SEMA3D: variants seen among roughly 807,000 people sequenced by gnomAD.
The protein encoded by SEMA3D is semaphorin-3D.
Under a neutral mutation model 100.1 loss-of-function variants are expected in SEMA3D, and 84 were observed. That is an observed-to-expected ratio of 0.84 (90% CI 0.70 to 1.01). SEMA3D has a LOEUF of 1.01. SEMA3D is among the 50% of genes least tolerant of loss of function. The probability of loss-of-function intolerance (pLI) is 0.00; values close to 1 mark genes in which losing one functional copy is unlikely to be tolerated. For missense variants in SEMA3D, 875 were observed against 934.1 expected (o/e 0.94, Z 0.82); for synonymous variants, 312 against 320.7 (o/e 0.97, Z 0.29).
At chr7:85,216,551 T>C in the SEMA3D span, among the ~76,000 whole-genome samples, 1 of 152,054 alleles carries the variant, frequency 6.6e-6, no homozygotes, top group Non-Finnish European at 1.5e-5. Flanking sequence ...CTGGCTTTTT[T>C]TTTAAGTGCA....
At chr7:85,015,465 G>A (rs1313897847) in intron 15 of SEMA3D, among the ~76,000 whole-genome samples, 1 of 151,704 alleles carries the variant, frequency 6.6e-6, no homozygotes, top group Non-Finnish European at 1.5e-5. Flanking sequence ...ATTTCAGAAG[G>A]TCAAAAACCA....
At chr7:85,233,989 C>A in the SEMA3D span, among the ~76,000 whole-genome samples, 1 of 152,080 alleles carries the variant, frequency 6.6e-6, no homozygotes, top group Non-Finnish European at 1.5e-5. Flanking sequence ...GCATATTAGA[C>A]AATATAATTT....
At chr7:85,175,163 C>T (rs547067526) in intron 1 of SEMA3D, among the ~76,000 whole-genome samples, 4 of 152,178 alleles carry the variant, frequency 2.6e-5, no homozygotes, top group Admixed American at 6.5e-5. Context: ...TTTAATAACT[C>T]GAGTGAAAGT....
the SEMA3D span, among the ~76,000 whole-genome samples, chr7:85,230,627 G>A: frequency 6.6e-6 from 1 of 151,962 alleles, no homozygotes; most frequent in African/African-American, 2.4e-5. Flanking sequence ...TTAATGTGTT[G>A]AATCCTCCTT....
At chr7:85,199,496 G>A in the SEMA3D span, among the ~76,000 whole-genome samples, 1 of 152,028 alleles carries the variant, frequency 6.6e-6, no homozygotes, top group Non-Finnish European at 1.5e-5. Context: ...GCATTATAAA[G>A]TATACCTTTT....
At chr7:85,173,462 G>A (rs929812048) in intron 1 of SEMA3D, among the ~76,000 whole-genome samples, 3 of 152,028 alleles carry the variant, frequency 2.0e-5, no homozygotes, top group East Asian at 3.9e-4. Flanking sequence ...ACACACTTCC[G>A]TGCCAAAACA....
At chr7:85,064,656 TTA>T (rs1348460443) in intron 8 of SEMA3D, among the ~76,000 whole-genome samples, 2 of 152,154 alleles carry the variant, frequency 1.3e-5, no homozygotes, top group African/African-American at 4.8e-5. Context: ...AATTACAGTG[TTA>T]TGTCATTCTG....
chr7:85,004,078 A>T (rs953514581), intron 18 of SEMA3D, among the ~76,000 whole-genome samples: 5 of 152,072 alleles, frequency 3.3e-5, no homozygotes, highest in African/African-American at 1.2e-4. Context: ...ATCTAGTGAG[A>T]GAACACCTGG....
Position 85,065,480 on chromosome 7 carries a change from G to A in SEMA3D, c.662C>T (p.Pro221Leu). The part of the protein sequence containing the change: ...KDTAFTRSLG[P>L]THDHHYIRTD... ...TCTGATGTAGTGGTGGTCATGAGTA[G>A]GCCCAAGGGATCGAGTGAATGCAGT... Residue 221 changes from proline (P) to leucine (L), a missense_variant, in exon 8 of 19, where the codon CCT (proline) becomes CTT (leucine). By Grantham distance (98) the Pro-to-Leu change is moderately conservative (BLOSUM62 -3). Transcript: ENST00000284136. 6.2e-7 allele frequency: 1 copy of A among 1,612,854 alleles called. No homozygotes were observed. The highest frequency in any genetic ancestry group is 8.5e-7 in the Non-Finnish European group (1 of 1,179,008).
At chr7:85,050,682 T>C (rs1791139345) in intron 9 of SEMA3D, 4 of 468,560 alleles carry the variant, frequency 8.5e-6, no homozygotes, top group Non-Finnish European at 1.5e-5. Context: ...TGCAACTTTC[T>C]CCAAATACAG....
At chr7:85,072,190 G>A (rs1034161166) in intron 6 of SEMA3D, among the ~76,000 whole-genome samples, 4 of 152,090 alleles carry the variant, frequency 2.6e-5, no homozygotes, top group Non-Finnish European at 5.9e-5. Context: ...TAATTTAATT[G>A]CAAAAATATG....
At chr7:85,044,746 A>G (rs1790959936) in intron 9 of SEMA3D, among the ~76,000 whole-genome samples, 2 of 152,114 alleles carry the variant, frequency 1.3e-5, no homozygotes, top group Non-Finnish European at 2.9e-5. Context: ...AGTAAACCAC[A>G]GTTTAAAATC....
Position 84,999,592 on chromosome 7 carries a change from C to G in SEMA3D, c.2182G>C (p.Asp728His), listed in dbSNP as rs1047048299. 7 of 1,613,916 alleles carry G rather than the reference C, an allele frequency of 4.3e-6. No homozygotes were observed. Among genetic ancestry groups the G allele is most frequent in the East Asian group, 2.2e-5 (1 of 44,880 alleles). ...QILSSPNFSLDQYCEQMWHRE... is the reference protein window; with the variant it reads ...QILSSPNFSLHQYCEQMWHRE... ...TGCCACATCTGTTCGCAGTACTGGT[C>G]GAGGCTGAAGTTTGGGCTGCTAAGG... Residue 728 changes from aspartate to histidine, a missense_variant, in exon 19 of 19, where the codon GAC becomes CAC. By Grantham distance (81) the Asp-to-His change is moderately conservative. Coordinates refer to ENST00000284136, the MANE Select transcript of SEMA3D (RefSeq NM_001384900.1).
chr7:85,192,060 T>G, the SEMA3D span, among the ~76,000 whole-genome samples: 1 of 152,136 alleles, frequency 6.6e-6, no homozygotes, highest in Non-Finnish European at 1.5e-5. Flanking sequence ...TAATAGTGAT[T>G]TTCATTCTTG....
At chr7:85,077,930 T>C (rs1285232337) in intron 5 of SEMA3D, among the ~76,000 whole-genome samples, 1 of 152,172 alleles carries the variant, frequency 6.6e-6, no homozygotes, top group African/African-American at 2.4e-5. Context: ...ACTGGATATG[T>C]ACCAAACTTC....
rs1425036294 is a variant in SEMA3D at position 85,081,661 on chromosome 7, T to G, written c.313-82A>C. On this transcript the variant is annotated intron_variant, in intron 4 of 18. Coordinates refer to ENST00000284136, the MANE Select transcript of SEMA3D (RefSeq NM_001384900.1). ...TGCAATTCTGCTCAGAGAGTGAATG[T>G]GTGAAATTGAAGAATGAGTATTAAG... 9 of 903,478 alleles carry G rather than the reference T, an allele frequency of 1.0e-5. No individual in the cohort carries two copies. In the African/African-American group the frequency reaches 1.5e-4, roughly 15 times the overall value. 56.0% of individuals were successfully genotyped at this position (903,478 alleles called of 1,614,324 possible).
chr7:85,060,736 C>T (rs183575301), intron 8 of SEMA3D, among the ~76,000 whole-genome samples: 460 of 152,230 alleles, frequency 3.0e-3, no homozygotes, highest in Non-Finnish European at 3.3e-3. Flanking sequence ...TTCCTAACTT[C>T]CTTTTATTAC....
Position 85,015,107 on chromosome 7 carries a change from C to T in SEMA3D, c.1655G>A (p.Cys552Tyr). 2 of 1,611,788 alleles carry T rather than the reference C, an allele frequency of 1.2e-6. No homozygotes were observed. The highest frequency in any genetic ancestry group is 1.7e-6 in the Non-Finnish European group (2 of 1,178,524). The change falls in exon 16 of 19, where the codon TGT (cysteine) becomes TAT (tyrosine). Residue 552 changes from cysteine (C) to tyrosine (Y), a missense_variant. Physicochemically the swap from Cys to Tyr is radical, Grantham distance 194 (BLOSUM62 -2). Coordinates refer to ENST00000284136, the MANE Select transcript of SEMA3D (RefSeq NM_001384900.1). ...AGAGCATGCATTTCCATCCCAGGCA[C>T]AGTAGGGGTCTCTGGCAAGACAACA... ...ADCCLARDPY[C>Y]AWDGNACSRY... is the part of the protein sequence containing the mutation.
the SEMA3D span, among the ~76,000 whole-genome samples, chr7:85,238,265 T>TA: frequency 6.6e-6 from 1 of 152,174 alleles, no homozygotes; most frequent in East Asian, 1.9e-4. Context: ...GTGTCATATC[T>TA]AAAAAGTTAT....
Sources: allele counts gnomAD v4.1 joint callset (sites outside exome capture counted in the v4.1 genomes callset), GRCh38; gene constraint gnomAD v4.1.1; transcripts MANE v1.5; gene names NCBI Gene and HGNC (gene_info 2026-07-23, HGNC 2026-07-21).